UBR1: variants seen among roughly 807,000 people sequenced by gnomAD.
UBR1 encodes the protein ubiquitin protein ligase E3 component n-recognin 1, also known as E3 ubiquitin-protein ligase UBR1.
In UBR1, 102 loss-of-function variants were observed where a neutral mutation model predicts 242.1. That is an observed-to-expected ratio of 0.42 (90% CI 0.36 to 0.50). UBR1 has a LOEUF of 0.50. Among genes scored for constraint, UBR1 ranks in the 20% least tolerant of loss-of-function variants. UBR1 has a pLI of 0.01. For synonymous variants in UBR1, 675 were observed against 684.8 expected (o/e 0.99, Z 0.22); for missense variants, 1,772 against 2,101.8 (o/e 0.84, Z 3.07).
chr15:43,034,886 T>G (rs1288822501), intron 19 of UBR1, among the ~76,000 whole-genome samples: 1 of 105,712 alleles, frequency 9.5e-6, no homozygotes, highest in Admixed American at 1.0e-4. Flanking sequence ...AAACGCCATC[T>G]CCAAAAAAAA....
chr15:43,075,298 A>G (rs1324692251), intron 3 of UBR1, among the ~76,000 whole-genome samples: 1 of 152,270 alleles, frequency 6.6e-6, no homozygotes, highest in African/African-American at 2.4e-5. Context: ...TGAATACTTC[A>G]TCATAACAAA....
chr15:43,078,466 C>T (rs1325424876), intron 3 of UBR1, among the ~76,000 whole-genome samples: 1 of 151,996 alleles, frequency 6.6e-6, no homozygotes, highest in East Asian at 1.9e-4. Flanking sequence ...AACCCTTGAG[C>T]ATGAAATGAG....
intron 25 of UBR1, among the ~76,000 whole-genome samples, chr15:43,024,391 C>T (rs1197933633): frequency 6.6e-6 from 1 of 151,600 alleles, no homozygotes; most frequent in Non-Finnish European, 1.5e-5. Context: ...AGCTAATTCT[C>T]CTACCTCTAT....
At position 43,057,076 on chromosome 15, in the gene UBR1, C is replaced by T. The variant is rs78471602; in HGVS notation, c.1183-634G>A. 2.2e-4 allele frequency among the ~76,000 whole-genome samples: 34 copies of T among 152,158 alleles called. No homozygotes were observed. The East Asian group carries it at 6.0e-3, about 27-fold the overall frequency. On this transcript the variant is annotated intron_variant, in intron 10 of 46. Transcript: ENST00000290650. ...TTAGATACTTTACCCTCCAGAATTC[C>T]TACAAAGTTTAAGGGGTAACCATGG...
chr15:43,069,913 TGGATGCAGTTTG>T (rs1159785046), intron 5 of UBR1, among the ~76,000 whole-genome samples: 5 of 152,222 alleles, frequency 3.3e-5, no homozygotes, highest in African/African-American at 4.8e-5. Context: ...AACATATTTG[TGGATGCAGTTTG>T]TCATGACATT....
chr15:42,960,742 A>T (rs1280925629), intron 42 of UBR1, 41 bp from the exon 43 acceptor site: 1 of 1,584,684 alleles, frequency 6.3e-7, no homozygotes. Flanking sequence ...GGATTATCAC[A>T]GCTTCAATGC....
chr15:43,002,965 AACAGCATGGTGAT>A (rs1486957065), intron 31 of UBR1, among the ~76,000 whole-genome samples: 2 of 152,244 alleles, frequency 1.3e-5, no homozygotes, highest in African/African-American at 4.8e-5. Context: ...CTCTTGCCTC[AACAGCATGGTGAT>A]ACAGCATGGA....
At chr15:43,039,162 T>G (rs544890905) in intron 15 of UBR1, among the ~76,000 whole-genome samples, 54 of 152,188 alleles carry the variant, frequency 3.5e-4, no homozygotes, top group African/African-American at 1.3e-3. Context: ...ATGACATCAA[T>G]TATGCCATAT....
At chr15:43,048,970 G>T (rs2033519404) in intron 12 of UBR1, among the ~76,000 whole-genome samples, 1 of 152,172 alleles carries the variant, frequency 6.6e-6, no homozygotes, top group African/African-American at 2.4e-5. Flanking sequence ...GGATGTACTA[G>T]TTTCAAGAGA....
intron 1 of UBR1, among the ~76,000 whole-genome samples, chr15:43,086,471 G>GT (rs1289161382): frequency 1.3e-5 from 2 of 149,162 alleles, no homozygotes; most frequent in Non-Finnish European, 3.0e-5. Context: ...AGTAGCTGTA[G>GT]TAAGAATTAT....
intron 29 of UBR1, among the ~76,000 whole-genome samples, chr15:43,010,034 G>A (rs760519771): frequency 5.9e-5 from 9 of 152,132 alleles, no homozygotes; most frequent in Non-Finnish European, 1.2e-4. Context: ...ACCATGCCCA[G>A]CTAATTTTTT....
chr15:43,008,281 G>T (rs1269981091), intron 29 of UBR1, among the ~76,000 whole-genome samples: 1 of 152,256 alleles, frequency 6.6e-6, no homozygotes, highest in Non-Finnish European at 1.5e-5. Context: ...AGCTGCAACT[G>T]CCCAGCTCAG....
chr15:42,962,958 T>A (rs1221370405), intron 42 of UBR1, among the ~76,000 whole-genome samples: 1 of 151,940 alleles, frequency 6.6e-6, no homozygotes, highest in East Asian at 1.9e-4. Flanking sequence ...ACAAGGAGGG[T>A]CTGGAAAGAT....
At chr15:43,022,064 A>G (rs1326744157) in intron 26 of UBR1, among the ~76,000 whole-genome samples, 1 of 152,134 alleles carries the variant, frequency 6.6e-6, no homozygotes, top group Non-Finnish European at 1.5e-5. Context: ...ATTGCCAAAA[A>G]TATTGAAGTG....
chr15:43,096,645 T>C (rs1555450279), intron 1 of UBR1, among the ~76,000 whole-genome samples: 1 of 152,226 alleles, frequency 6.6e-6, no homozygotes, highest in Non-Finnish European at 1.5e-5. Flanking sequence ...TCTAAATCAT[T>C]TGTTCTTATT....
At position 43,056,381 on chromosome 15, in the gene UBR1, G is replaced by C; in HGVS notation, c.1244C>G (p.Thr415Ser). The change falls in exon 11 of 47, where the codon ACT (threonine) becomes AGT (serine). Residue 415 changes from threonine to serine, a missense_variant. Around this residue, in one of 3 missense-constraint regions of UBR1, gnomAD observed 734 missense variants for 893.3 expected, o/e 0.82. Transcript: ENST00000290650. ...SDDHDRSISI[T>S]ALSVQMFTVP... ...AGTAAACATCTGAACTGAAAGTGCAGTTATAGAGATACTTCTGTCATGATC... is the reference window on the plus strand; with the variant it reads ...AGTAAACATCTGAACTGAAAGTGCACTTATAGAGATACTTCTGTCATGATC... 1.2e-6 allele frequency: 2 copies of C among 1,612,678 alleles called. No individual in the cohort carries two copies. Among genetic ancestry groups the C allele is most frequent in the Non-Finnish European group, 1.7e-6 (2 of 1,178,760 alleles).
At chr15:43,009,572 AGAG>A (rs966011677) in intron 29 of UBR1, among the ~76,000 whole-genome samples, 28 of 152,362 alleles carry the variant, frequency 1.8e-4, no homozygotes, top group African/African-American at 6.5e-4. Context: ...CACTGGCCAC[AGAG>A]GTTTCTGGCT....
Position 42,957,956 on chromosome 15 carries a change from T to C in UBR1, c.4835+57A>G, listed in dbSNP as rs528010263. Reference sequence around the variant, plus strand: ...GTGTGTTAGTTATGGCATATACCAATTGCGAGTTCAGAAAATGATTTAAAA... The same window carrying C: ...GTGTGTTAGTTATGGCATATACCAACTGCGAGTTCAGAAAATGATTTAAAA... On this transcript the variant is annotated intron_variant, in intron 44 of 46. Coordinates refer to ENST00000290650, the MANE Select transcript of UBR1 (RefSeq NM_174916.3). 4.0e-5 allele frequency: 57 copies of C among 1,424,220 alleles called. No individual in the cohort carries two copies. The East Asian group carries it at 5.7e-4, about 14-fold the overall frequency. 88.2% of individuals were successfully genotyped at this position (1,424,220 alleles called of 1,614,324 possible). A position where few individuals can be genotyped will look rare whatever the true frequency, so the allele number is the denominator to read the frequency against.
intron 1 of UBR1, chr15:43,091,873 A>C: frequency 3.1e-6 from 1 of 324,988 alleles, no homozygotes; most frequent in South Asian, 2.4e-5. Flanking sequence ...TGGAGGTTGC[A>C]ATGAGCTGAG....
Sources: allele counts gnomAD v4.1 joint callset (sites outside exome capture counted in the v4.1 genomes callset), GRCh38; gene constraint gnomAD v4.1.1; regional missense constraint gnomAD v4.1.1; transcripts MANE v1.5; gene names NCBI Gene and HGNC (gene_info 2026-07-23, HGNC 2026-07-21).